The following FBXO31 variants were observed in gnomAD, a reference collection of about 807,000 sequenced individuals.
FBXO31 encodes F-box only protein 31.
FBXO31 carries 24 observed loss-of-function variants against 54.4 expected under a neutral mutation model. That is an observed-to-expected ratio of 0.44 (90% confidence interval 0.32 to 0.62). The LOEUF (loss-of-function observed/expected upper bound fraction) is 0.62. FBXO31 is among the 20% of genes least tolerant of loss of function. The pLI is 0.05. For synonymous variants in FBXO31, 388 were observed against 335.6 expected (o/e 1.16, Z -1.71); for missense variants, 665 against 787.1 (o/e 0.84, Z 1.86).
intron 2 of FBXO31, among the ~76,000 whole-genome samples, chr16:87,355,159 A>T (rs1905837863): frequency 6.6e-6 from 1 of 152,078 alleles, no homozygotes; most frequent in African/African-American, 2.4e-5. Context: ...GGAGTTTAAG[A>T]CCAGCCTGGG....
intron 1 of FBXO31, among the ~76,000 whole-genome samples, chr16:87,369,759 C>T (rs772455012): frequency 1.3e-5 from 2 of 152,220 alleles, no homozygotes; most frequent in Non-Finnish European, 2.9e-5. Flanking sequence ...CTGTTTTCCA[C>T]AGCGTGACTA....
At chr16:87,372,982 G>A (rs556501868) in intron 1 of FBXO31, among the ~76,000 whole-genome samples, 7 of 148,062 alleles carry the variant, frequency 4.7e-5, no homozygotes, top group Non-Finnish European at 7.5e-5. Context: ...TGATCTACCC[G>A]CCTCAGCCTC....
intron 1 of FBXO31, among the ~76,000 whole-genome samples, chr16:87,363,639 T>A (rs924675148): frequency 1.7e-5 from 2 of 114,432 alleles, no homozygotes; most frequent in Non-Finnish European, 3.7e-5. Flanking sequence ...CAGGAATAAA[T>A]AGTTTTTTAA....
At chr16:87,353,767 G>C (rs543963573) in intron 2 of FBXO31, among the ~76,000 whole-genome samples, 1 of 151,418 alleles carries the variant, frequency 6.6e-6, no homozygotes, top group East Asian at 2.0e-4. Context: ...GCCTGTGAGA[G>C]GCGGGAAGGA....
rs377567326 is a variant in FBXO31 at position 87,336,428 on chromosome 16, G to C, written c.733-164C>G. On this transcript the variant is annotated intron_variant, in intron 5 of 8. Coordinates refer to ENST00000311635, the MANE Select transcript of FBXO31 (RefSeq NM_024735.5). The surrounding 1 kb of genome is among the most constrained non-coding windows in gnomAD (Gnocchi z 6.5). Reference sequence around the variant, plus strand: ...ATGGACTTGGCGCTGGGAAGAGAAAGGGGAGCTGCCGGATTTGACCCCACG... The same window carrying C: ...ATGGACTTGGCGCTGGGAAGAGAAACGGGAGCTGCCGGATTTGACCCCACG... 6.9e-4 allele frequency among the ~76,000 whole-genome samples: 105 copies of C among 152,308 alleles called. No individual in the cohort carries two copies. The highest frequency in any genetic ancestry group is 2.5e-3 in the African/African-American group (104 of 41,580).
chr16:87,370,717 T>C (rs1484346480), intron 1 of FBXO31, among the ~76,000 whole-genome samples: 2 of 152,000 alleles, frequency 1.3e-5, no homozygotes, highest in Non-Finnish European at 2.9e-5. Flanking sequence ...TGGAGCAGAG[T>C]GAAGCCAGGA....
chr16:87,364,968 C>T (rs1158976085), intron 1 of FBXO31, among the ~76,000 whole-genome samples: 1 of 130,564 alleles, frequency 7.7e-6, no homozygotes, highest in South Asian at 2.7e-4. Context: ...GATAACACCA[C>T]TGCAATCCAG....
At position 87,331,196 on chromosome 16, in the gene FBXO31, G is replaced by C; in HGVS notation, c.*92C>G. On this transcript the variant is annotated 3_prime_UTR_variant, in exon 9 of 9. Transcript: ENST00000311635. Reference sequence around the variant, plus strand: ...ACGAGGTGTGCGTTCTGGTCAAAAGGCCGGATTTCCAAAGTGCATGCTGCT... The same window carrying C: ...ACGAGGTGTGCGTTCTGGTCAAAAGCCCGGATTTCCAAAGTGCATGCTGCT... The C allele has an allele frequency of 7.5e-7, 1 of 1,328,160 alleles. No individual in the cohort carries two copies. Among genetic ancestry groups the C allele is most frequent in the Non-Finnish European group, 1.1e-6 (1 of 946,284 alleles). 82.3% of individuals were successfully genotyped at this position (1,328,160 alleles called of 1,614,324 possible).
chr16:87,380,229 C>A (rs1223200935), intron 1 of FBXO31, among the ~76,000 whole-genome samples: 1 of 133,534 alleles, frequency 7.5e-6, no homozygotes, highest in African/African-American at 2.9e-5. Flanking sequence ...ACTCAGGAGG[C>A]AGAGGCTGTA....
rs1164295717 is a variant in FBXO31 at position 87,338,102 on chromosome 16, G to A, written c.733-1838C>T. Among the ~76,000 whole-genome samples, 1 of 152,114 alleles carries A rather than the reference G, an allele frequency of 6.6e-6. No individual in the cohort carries two copies. The highest frequency in any genetic ancestry group is 2.4e-5 in the African/African-American group (1 of 41,414). ...GACACCATCAGGAAGATGAGCATGT[G>A]TAGCCATGACCTCGCTTTACATAAA... On this transcript the variant is annotated intron_variant, in intron 5 of 8. Coordinates refer to ENST00000311635, the MANE Select transcript of FBXO31 (RefSeq NM_024735.5). This position sits in a 1 kb window ranked among gnomAD's most constrained non-coding sequence, Gnocchi z 4.3.
At chr16:87,344,412 G>A (rs1433689905) in intron 3 of FBXO31, among the ~76,000 whole-genome samples, 3 of 152,214 alleles carry the variant, frequency 2.0e-5, no homozygotes, top group Non-Finnish European at 2.9e-5. Flanking sequence ...ATGCAGAGGC[G>A]GGTGGGCCCC....
Position 87,345,373 on chromosome 16 carries a change from C to A in FBXO31, c.490-1608G>T, listed in dbSNP as rs142857084. On this transcript the variant is annotated intron_variant, in intron 3 of 8. Coordinates refer to ENST00000311635, the MANE Select transcript of FBXO31 (RefSeq NM_024735.5). The surrounding 1 kb of genome is among the most constrained non-coding windows in gnomAD (Gnocchi z 4.9). ...GAGGGAGGGGAAGAGGGTGGGAGGG[C>A]GGACCGGAAGCCATGCAGACTCCAT... 6.6e-6 allele frequency among the ~76,000 whole-genome samples: 1 copy of A among 151,366 alleles called. No individual in the cohort carries two copies. Among genetic ancestry groups the A allele is most frequent in the East Asian group, 2.0e-4 (1 of 5,124 alleles).
At chr16:87,365,037 A>ATATATATATATATATATATATATC (rs1489132121) in intron 1 of FBXO31, among the ~76,000 whole-genome samples, 2 of 106,892 alleles carry the variant, frequency 1.9e-5, no homozygotes, top group African/African-American at 3.5e-5. Context: ...ATATATATAT[A>ATATATATATATATATATATATATC]TATCAGGCAG....
intron 3 of FBXO31, among the ~76,000 whole-genome samples, chr16:87,344,983 C>T (rs954290307): frequency 6.7e-6 from 1 of 149,580 alleles, no homozygotes; most frequent in Non-Finnish European, 1.5e-5. Flanking sequence ...ATCCCTGCCC[C>T]GAACCCCACC....
At position 87,338,077 on chromosome 16, in the gene FBXO31, G is replaced by T. The variant is rs994589915; in HGVS notation, c.733-1813C>A. ...GCTGTGAGTACTGCGACTTCAACTT[G>T]ACACCATCAGGAAGATGAGCATGTG... On this transcript the variant is annotated intron_variant, in intron 5 of 8. Coordinates refer to ENST00000311635, the MANE Select transcript of FBXO31 (RefSeq NM_024735.5). The surrounding 1 kb of genome is among the most constrained non-coding windows in gnomAD (Gnocchi z 4.3). 3.3e-5 allele frequency among the ~76,000 whole-genome samples: 5 copies of T among 152,108 alleles called. No individual in the cohort carries two copies. Among genetic ancestry groups the T allele is most frequent in the Admixed American group, 6.6e-5 (1 of 15,262 alleles).
At chr16:87,385,847 GA>G (rs1907310494), upstream of FBXO31, among the ~76,000 whole-genome samples, 1 of 151,798 alleles carries the variant, frequency 6.6e-6, no homozygotes, top group African/African-American at 2.4e-5. Context: ...TGTCTCTACT[GA>G]AAAAATGCAA....
At chr16:87,366,599 G>A (rs1416006418) in intron 1 of FBXO31, among the ~76,000 whole-genome samples, 3 of 152,346 alleles carry the variant, frequency 2.0e-5, no homozygotes, top group South Asian at 2.1e-4. Context: ...AACAGCCAGG[G>A]AGCAGGACTG....
intron 7 of FBXO31, 102 bp from the exon 8 acceptor site, chr16:87,334,388 C>G (rs955929064): frequency 3.2e-5 from 35 of 1,097,222 alleles, no homozygotes; most frequent in Non-Finnish European, 4.1e-5. Context: ...CGAGCTGGCA[C>G]CAGCCCTCCT....
At chr16:87,375,813 G>C (rs963729693) in intron 1 of FBXO31, among the ~76,000 whole-genome samples, 4 of 152,096 alleles carry the variant, frequency 2.6e-5, no homozygotes, top group African/African-American at 9.7e-5. Flanking sequence ...CCCAACATCA[G>C]AAGTACAGAC....
Sources: allele counts gnomAD v4.1 joint callset (sites outside exome capture counted in the v4.1 genomes callset), GRCh38; gene constraint gnomAD v4.1.1; non-coding constraint Gnocchi (gnomAD v3.1); transcripts MANE v1.5; gene names NCBI Gene and HGNC (gene_info 2026-07-23, HGNC 2026-07-21).